Variants in OPCML observed in about 807,000 individuals in gnomAD.
OPCML encodes opioid-binding protein/cell adhesion molecule.
A neutral mutation model predicts 37.8 loss-of-function variants in OPCML; 13 were observed. The observed-to-expected ratio is 0.34, with a 90% confidence interval of 0.22 to 0.55. OPCML has a LOEUF of 0.55. Among genes scored for constraint, OPCML ranks in the 20% least tolerant of loss-of-function variants. The probability of loss-of-function intolerance (pLI) is 0.91; values close to 1 mark genes in which losing one functional copy is unlikely to be tolerated. For missense variants in OPCML, 341 were observed against 435.6 expected (o/e 0.78, Z 1.93); for synonymous variants, 176 against 168.8 (o/e 1.04, Z -0.33).
intron 3 of OPCML, among the ~76,000 whole-genome samples, chr11:132,646,868 A>G (rs750092904): frequency 6.6e-6 from 1 of 152,202 alleles, no homozygotes; most frequent in Non-Finnish European, 1.5e-5. Context: ...TTAGGAAAGA[A>G]CTAAAAACTG....
intron 1 of OPCML, among the ~76,000 whole-genome samples, chr11:133,437,057 A>G (rs1946249009): frequency 6.6e-6 from 1 of 152,140 alleles, no homozygotes; most frequent in Non-Finnish European, 1.5e-5. Flanking sequence ...ATTTCTTTTC[A>G]TCTAAGCCTA....
At chr11:133,004,862 A>G in intron 1 of OPCML, 1 of 985,404 alleles carries the variant, frequency 1.0e-6, no homozygotes, top group Non-Finnish European at 1.2e-6. Flanking sequence ...CAAGACAGAA[A>G]TCAACGAGCT....
chr11:133,377,644 G>A (rs545329896), intron 1 of OPCML, among the ~76,000 whole-genome samples: 1 of 116,330 alleles, frequency 8.6e-6, no homozygotes, highest in African/African-American at 4.2e-5. Context: ...CAAGTCCACA[G>A]GGTCTCCCAT....
chr11:132,949,020 C>T (rs1945804441), intron 1 of OPCML, among the ~76,000 whole-genome samples: 1 of 152,136 alleles, frequency 6.6e-6, no homozygotes, highest in Non-Finnish European at 1.5e-5. Context: ...GAATAGGAAT[C>T]CTTGCCAGAG....
chr11:132,800,185 G>T (rs1228694325), intron 2 of OPCML, among the ~76,000 whole-genome samples: 2 of 152,070 alleles, frequency 1.3e-5, no homozygotes, highest in Non-Finnish European at 2.9e-5. Flanking sequence ...AATTGTACAT[G>T]AAACTGCCTT....
chr11:132,934,442 G>A (rs1046805577), intron 2 of OPCML, among the ~76,000 whole-genome samples: 3 of 152,166 alleles, frequency 2.0e-5, no homozygotes, highest in African/African-American at 4.8e-5. Flanking sequence ...GACTGTTCTC[G>A]CCTTGACTTA....
At chr11:132,663,490 A>T (rs1295805523) in intron 2 of OPCML, among the ~76,000 whole-genome samples, 1 of 152,168 alleles carries the variant, frequency 6.6e-6, no homozygotes, top group Non-Finnish European at 1.5e-5. Flanking sequence ...TATAATATAA[A>T]CCTATGCTAG....
At chr11:132,524,191 C>G (rs1454105209) in intron 4 of OPCML, among the ~76,000 whole-genome samples, 1 of 152,196 alleles carries the variant, frequency 6.6e-6, no homozygotes, top group African/African-American at 2.4e-5. Flanking sequence ...CCTAGAAGAG[C>G]CTGCCAGTTT....
chr11:132,501,913 A>G (rs2096246484), intron 4 of OPCML, among the ~76,000 whole-genome samples: 1 of 152,208 alleles, frequency 6.6e-6, no homozygotes, highest in Non-Finnish European at 1.5e-5. Context: ...CTTTCAGATG[A>G]ATCTGTTTCT....
At chr11:133,386,013 A>C (rs1945040161) in intron 1 of OPCML, among the ~76,000 whole-genome samples, 2 of 152,186 alleles carry the variant, frequency 1.3e-5, no homozygotes, top group Admixed American at 1.3e-4. Flanking sequence ...TCTAACTCAC[A>C]ACTCATCTTA....
In OPCML at chr11:133,140,793, A is replaced by AGAAGAAGACGACGAC. The variant is rs1565467963; in HGVS notation, c.62-197784_62-197783insGTCGTCGTCTTCTTC. On this transcript the variant is annotated intron_variant, in intron 1 of 7. Coordinates refer to ENST00000524381, the MANE Select transcript of OPCML (RefSeq NM_001012393.5). Reference sequence around the variant, plus strand: ...AAGAAGAAGAAGAAGACGACGAAGAAGAAGAAGAAGAAGACGACGACGAAG... The same window carrying AGAAGAAGACGACGAC: ...AAGAAGAAGAAGAAGACGACGAAGAAGAAGAAGACGACGACGAAGAAGAAGAAGACGACGACGAAG... 5.2e-5 allele frequency among the ~76,000 whole-genome samples: 5 copies of AGAAGAAGACGACGAC among 95,980 alleles called. 1 individual carries two copies. The highest frequency in any genetic ancestry group is 1.8e-4 in the African/African-American group (5 of 27,434). 63.0% of individuals were successfully genotyped at this position (95,980 alleles called of 152,430 possible).
At chr11:133,285,186 C>T (rs1592166753) in intron 1 of OPCML, among the ~76,000 whole-genome samples, 1 of 152,038 alleles carries the variant, frequency 6.6e-6, no homozygotes, top group East Asian at 1.9e-4. Flanking sequence ...GTGTGTTTGT[C>T]CCATTTAGAA....
intron 1 of OPCML, among the ~76,000 whole-genome samples, chr11:133,196,918 A>T (rs1328919284): frequency 6.6e-6 from 1 of 152,194 alleles, no homozygotes; most frequent in Non-Finnish European, 1.5e-5. Context: ...TTCTGTGTAC[A>T]ATTTGACATT....
Position 132,943,830 on chromosome 11 carries a change from A to G in OPCML, c.62-820T>C, listed in dbSNP as rs1053036077. 1.8e-4 allele frequency: 27 copies of G among 150,320 alleles called. No individual in the cohort carries two copies. The highest frequency in any genetic ancestry group is 3.3e-4 in the Non-Finnish European group (22 of 67,430). The allele number at this position is 150,320 out of a possible 1,614,324, so 9.3% of individuals were successfully genotyped here. A position where few individuals can be genotyped will look rare whatever the true frequency, so the allele number is the denominator to read the frequency against. On this transcript the variant is annotated intron_variant, in intron 1 of 7. Coordinates refer to ENST00000524381, the MANE Select transcript of OPCML (RefSeq NM_001012393.5). This position sits in a 1 kb window ranked among gnomAD's most constrained non-coding sequence, Gnocchi z 4.3. The stretch of plus-strand genomic sequence containing the variant: ...CCCCCGCCTCCTCCGGGGACGCGGC[A>G]CGAGACGCGGGGACGCGCGGACGCC...
chr11:133,258,102 G>A (rs1261385209), intron 1 of OPCML, among the ~76,000 whole-genome samples: 1 of 152,134 alleles, frequency 6.6e-6, no homozygotes, highest in Non-Finnish European at 1.5e-5. Flanking sequence ...ACCACAAATA[G>A]TGACATGTCC....
chr11:132,801,501 A>G (rs1250326927), intron 2 of OPCML, among the ~76,000 whole-genome samples: 1 of 152,202 alleles, frequency 6.6e-6, no homozygotes, highest in Non-Finnish European at 1.5e-5. Context: ...GATGGAACCA[A>G]TTCCAGGTAT....
intron 1 of OPCML, among the ~76,000 whole-genome samples, chr11:133,072,051 T>C (rs1451653850): frequency 6.6e-6 from 1 of 152,146 alleles, no homozygotes; most frequent in East Asian, 1.9e-4. Flanking sequence ...ATCGTGCACT[T>C]GTTTACCGTA....
chr11:133,525,065 TATAAACAA>T (rs1274777786), intron 1 of OPCML, among the ~76,000 whole-genome samples: 1 of 152,226 alleles, frequency 6.6e-6, no homozygotes, highest in African/African-American at 2.4e-5. Flanking sequence ...TCTCTGCCTG[TATAAACAA>T]TGGTCTAGGG....
rs1946928414 is a variant in OPCML at position 132,779,632 on chromosome 11, G to T, written c.147-122313C>A. Among the ~76,000 whole-genome samples, 2 of 152,074 alleles carry T rather than the reference G, an allele frequency of 1.3e-5. 1 individual carries two copies. Among genetic ancestry groups the T allele is most frequent in the South Asian group, 4.2e-4 (2 of 4,816 alleles). On this transcript the variant is annotated intron_variant, in intron 2 of 7. Coordinates refer to ENST00000524381, the MANE Select transcript of OPCML (RefSeq NM_001012393.5). ...TTCTCAGTGCTGTATATCAAGCTGG[G>T]TGAGAGCTCAGGACTGCCCAGACTC...
Sources: gnomAD v4.1 joint callset for allele counts (sites outside exome capture counted in the v4.1 genomes callset) on GRCh38, gnomAD v4.1.1 for gene constraint, Gnocchi (gnomAD v3.1) non-coding constraint, MANE v1.5 for transcripts, NCBI Gene and HGNC (gene_info 2026-07-23, HGNC 2026-07-21) for gene names.